ANK2: variants seen among roughly 807,000 people sequenced by gnomAD.
The protein encoded by ANK2 is ankyrin-2.
In ANK2, 83 loss-of-function variants were observed where a neutral mutation model predicts 360.5. The observed-to-expected ratio is 0.23, with a 90% CI of 0.19 to 0.28. ANK2 has a LOEUF of 0.28. Among genes scored for constraint, ANK2 ranks in the 10% least tolerant of loss-of-function variants. ANK2 has a pLI of 1.00. For synonymous variants in ANK2, 1,740 were observed against 1,759.5 expected (o/e 0.99, Z 0.28); for missense variants, 4,201 against 4,795.7 (o/e 0.88, Z 3.66).
intron 1 of ANK2, among the ~76,000 whole-genome samples, chr4:113,089,724 T>G (rs986880983): frequency 1.3e-5 from 2 of 152,050 alleles, no homozygotes; most frequent in African/African-American, 4.8e-5. Context: ...CTCGGGAGGC[T>G]GAGGCAGGAG....
At chr4:113,106,831 A>G (rs375859029) in intron 1 of ANK2, 1 of 515,712 alleles carries the variant, frequency 1.9e-6, no homozygotes, top group Non-Finnish European at 3.9e-6. Flanking sequence ...CTTTTATTTT[A>G]TTCCTGTAAC....
At chr4:113,232,294 G>T (rs2099317381) in intron 5 of ANK2, 35 bp downstream of exon 5, 2 of 1,433,426 alleles carry the variant, frequency 1.4e-6, no homozygotes, top group South Asian at 2.3e-5. Flanking sequence ...TGAATTCTTT[G>T]ATCTTAATGT....
intron 20 of ANK2, among the ~76,000 whole-genome samples, chr4:113,292,088 G>A (rs1183823365): frequency 6.6e-6 from 1 of 152,164 alleles, no homozygotes; most frequent in Non-Finnish European, 1.5e-5. Context: ...TCTCAGCTCA[G>A]ATGTGAGCAG....
At chr4:112,891,863 A>C (rs2080124974) in intron 1 of ANK2, among the ~76,000 whole-genome samples, 4 of 152,210 alleles carry the variant, frequency 2.6e-5, no homozygotes, top group Admixed American at 2.0e-4. Flanking sequence ...TCATTTCTAT[A>C]GTCAGTCCTT....
chr4:113,123,658 A>G (rs1308204667), intron 1 of ANK2, among the ~76,000 whole-genome samples: 1 of 152,160 alleles, frequency 6.6e-6, no homozygotes, highest in Non-Finnish European at 1.5e-5. Context: ...CAACAGAATC[A>G]TCTGGTTCTA....
At chr4:112,922,353 G>T (rs889948602) in intron 2 of ANK2, among the ~76,000 whole-genome samples, 1 of 152,116 alleles carries the variant, frequency 6.6e-6, no homozygotes, top group Non-Finnish European at 1.5e-5. Flanking sequence ...ATCTGTGACT[G>T]GGTTTTTTTA....
intron 2 of ANK2, among the ~76,000 whole-genome samples, chr4:113,020,384 C>T (rs2057737904): frequency 1.3e-5 from 2 of 152,024 alleles, no homozygotes; most frequent in African/African-American, 4.8e-5. Flanking sequence ...TTTGTAGAGA[C>T]AGGGTCTCGC....
intron 41 of ANK2, among the ~76,000 whole-genome samples, chr4:113,365,439 C>T (rs1195318915): frequency 6.6e-6 from 1 of 152,104 alleles, no homozygotes; most frequent in Non-Finnish European, 1.5e-5. Context: ...TCCTTTTCCT[C>T]AGTTCCATGG....
chr4:113,363,369 G>T lies in ANK2; in HGVS notation c.10788G>T (p.Glu3596Asp). Residue 3596 changes from glutamate to aspartate, a missense_variant, in exon 40 of 46, where the codon GAG becomes GAT. Glu to Asp is a conservative substitution (Grantham distance 45). Around this residue, in one of 4 missense-constraint regions of ANK2, gnomAD observed 2,642 missense variants for 2,714.5 expected, o/e 0.97. Transcript: ENST00000357077. Reference protein sequence around the residue: ...ELARELDFTEEQIHQIRIENP... With the variant: ...ELARELDFTEDQIHQIRIENP... The stretch of plus-strand genomic sequence containing the variant: ...CAAGAGAACTGGATTTCACTGAGGA[G>T]CAAATTCATCAAATTCGAATTGAAA... 6.2e-7 allele frequency: 1 copy of T among 1,613,374 alleles called. No individual in the cohort carries two copies. Among genetic ancestry groups the T allele is most frequent in the Non-Finnish European group, 8.5e-7 (1 of 1,179,612 alleles).
chr4:113,200,738 C>G (rs928671780), intron 4 of ANK2, among the ~76,000 whole-genome samples: 4 of 152,120 alleles, frequency 2.6e-5, no homozygotes, highest in African/African-American at 7.2e-5. Context: ...TTGATGAACA[C>G]TTAGGTTGAT....
intron 40 of ANK2, among the ~76,000 whole-genome samples, chr4:113,363,863 T>G (rs1261419379): frequency 1.3e-5 from 2 of 152,120 alleles, no homozygotes; most frequent in Admixed American, 6.6e-5. Flanking sequence ...TTGGTTCCCA[T>G]GCAAAGTGCT....
At chr4:113,288,161 T>C (rs1341704821) in intron 19 of ANK2, among the ~76,000 whole-genome samples, 1 of 152,162 alleles carries the variant, frequency 6.6e-6, no homozygotes, top group Non-Finnish European at 1.5e-5. Flanking sequence ...TATTTATGCC[T>C]CTCTCTTAGT....
chr4:112,961,835 T>A (rs1254205062), intron 2 of ANK2, among the ~76,000 whole-genome samples: 1 of 152,126 alleles, frequency 6.6e-6, no homozygotes, highest in Non-Finnish European at 1.5e-5. Context: ...TGTCTGCCCA[T>A]TATAATGACT....
chr4:112,911,148 T>G (rs1286523375), intron 2 of ANK2, among the ~76,000 whole-genome samples: 2 of 148,402 alleles, frequency 1.3e-5, no homozygotes, highest in African/African-American at 2.5e-5. Context: ...AGTAGAGACT[T>G]TAGTAGAGAC....
chr4:112,982,109 G>A (rs1486525189), intron 2 of ANK2, among the ~76,000 whole-genome samples: 2 of 152,130 alleles, frequency 1.3e-5, no homozygotes, highest in Non-Finnish European at 2.9e-5. Flanking sequence ...ATTTCTCAGT[G>A]TGTTCTGCGA....
At chr4:112,955,825 G>A (rs929907204) in intron 2 of ANK2, among the ~76,000 whole-genome samples, 1 of 152,124 alleles carries the variant, frequency 6.6e-6, no homozygotes, top group Non-Finnish European at 1.5e-5. Flanking sequence ...AAGCTTGTAT[G>A]GATGTCATCT....
In ANK2 at chr4:113,379,312, T is replaced by A. The variant is rs371060649; in HGVS notation, c.11860-2145T>A. Among the ~76,000 whole-genome samples the A allele has an allele frequency of 3.3e-5, 5 of 152,344 alleles. No individual in the cohort carries two copies. In the South Asian group the frequency reaches 1.0e-3, roughly 32 times the overall value. ...AGATCAATTAATCCAAAGTTCTCAA[T>A]TACAGCTGGTGAATTTGAAGCCAGG... On this transcript the variant is annotated intron_variant, in intron 45 of 45. Transcript: ENST00000357077.
chr4:112,754,365 G>A, the ANK2 span, among the ~76,000 whole-genome samples: 8 of 151,314 alleles, frequency 5.3e-5, no homozygotes, highest in Non-Finnish European at 1.2e-4. Context: ...TATTTGCACC[G>A]GATGATTTCT....
At position 113,181,805 on chromosome 4, in the gene ANK2, T is replaced by C. The variant is rs116305892; in HGVS notation, c.186+7288T>C. 7.7e-4 allele frequency among the ~76,000 whole-genome samples: 117 copies of C among 151,378 alleles called. 1 individual carries two copies. The highest frequency in any genetic ancestry group is 2.7e-3 in the African/African-American group (111 of 41,220). On this transcript the variant is annotated intron_variant, in intron 2 of 45. Coordinates refer to ENST00000357077, the MANE Select transcript of ANK2 (RefSeq NM_001148.6). ...AGCAAGGAAGCAAGCCTGCCTGGAG[T>C]AGAATGAGGGAGGGGAAGCGTAGGA...
Sources: gnomAD v4.1 joint callset for allele counts (sites outside exome capture counted in the v4.1 genomes callset) on GRCh38, gnomAD v4.1.1 for gene constraint, gnomAD v4.1.1 regional missense constraint, MANE v1.5 for transcripts, NCBI Gene and HGNC (gene_info 2026-07-23, HGNC 2026-07-21) for gene names.